TMPRSS11B: variants seen among roughly 807,000 people sequenced by gnomAD.
The protein encoded by TMPRSS11B is transmembrane serine protease 11B.
TMPRSS11B carries 53 observed loss-of-function variants against 44.7 expected under a neutral mutation model. The ratio of observed to expected loss-of-function variants is 1.19; its 90% CI spans 0.95 to 1.49. The LOEUF (loss-of-function observed/expected upper bound fraction) is 1.49. TMPRSS11B is among the 40% of genes most tolerant of loss of function. The probability of loss-of-function intolerance (pLI) is 0.00; values close to 1 mark genes in which losing one functional copy is unlikely to be tolerated. For synonymous variants in TMPRSS11B, 140 were observed against 159.2 expected, an observed-to-expected ratio of 0.88 and a Z score of 0.91; for missense variants, 526 against 494.8, an observed-to-expected ratio of 1.06 and a Z score of -0.60.
At chr4:68,245,099 G>T (rs1402290446) in intron 1 of TMPRSS11B, among the ~76,000 whole-genome samples, 1 of 152,090 alleles carries the variant, frequency 6.6e-6, no homozygotes, top group Non-Finnish European at 1.5e-5. Context: ...CCTGCAGTTT[G>T]CCTGTTGCTA....
intron 2 of TMPRSS11B, among the ~76,000 whole-genome samples, chr4:68,236,520 A>G (rs34557714): frequency 0.011 from 1,653 of 152,268 alleles, 14 homozygotes; most frequent in Non-Finnish European, 0.016. Flanking sequence ...AGAAAAATAA[A>G]AGGAGAGGAG....
At chr4:68,233,200 C>T (rs980366651) in intron 5 of TMPRSS11B, among the ~76,000 whole-genome samples, 1 of 152,000 alleles carries the variant, frequency 6.6e-6, no homozygotes, top group Non-Finnish European at 1.5e-5. Context: ...AAGCTACTCA[C>T]AGAAAAATTT....
At chr4:68,232,305 A>T in intron 6 of TMPRSS11B, 73 bp downstream of exon 6, 2 of 1,426,556 alleles carry the variant, frequency 1.4e-6, no homozygotes, top group Non-Finnish European at 1.9e-6. Flanking sequence ...TATTTCAAGT[A>T]TTTTTAATAG....
At chr4:68,233,036 T>G (rs1240387923) in intron 5 of TMPRSS11B, among the ~76,000 whole-genome samples, 1 of 152,128 alleles carries the variant, frequency 6.6e-6, no homozygotes, top group Non-Finnish European at 1.5e-5. Context: ...GAATGAATCA[T>G]GAAATTTTGA....
intron 1 of TMPRSS11B, 100 bp downstream of exon 1, chr4:68,245,451 C>A (rs1719973535): frequency 1.5e-6 from 2 of 1,314,180 alleles, no homozygotes; most frequent in South Asian, 1.2e-5. Flanking sequence ...GGAATAAAAA[C>A]TAAATTATAA....
intron 5 of TMPRSS11B, among the ~76,000 whole-genome samples, chr4:68,232,727 A>T (rs983206089): frequency 9.9e-5 from 15 of 151,878 alleles, no homozygotes; most frequent in Admixed American, 3.9e-4. Flanking sequence ...TTTTTATTAT[A>T]CTTTAAGTTT....
In TMPRSS11B at chr4:68,245,691, T is replaced by C. The variant is rs1719982791; in HGVS notation, c.-133A>G. 2 of 1,068,362 alleles carry C rather than the reference T, an allele frequency of 1.9e-6. No individual in the cohort carries two copies. The highest frequency in any genetic ancestry group is 2.8e-6 in the Non-Finnish European group (2 of 704,974). 66.2% of individuals were successfully genotyped at this position (1,068,362 alleles called of 1,614,324 possible). A position where few individuals can be genotyped will look rare whatever the true frequency, so the allele number is the denominator to read the frequency against. ...CTTCTGACGCAGCTTTTGACTTATGTGCTACATCCAGTGTTGGAGCTTGGT... is the reference window on the plus strand; with the variant it reads ...CTTCTGACGCAGCTTTTGACTTATGCGCTACATCCAGTGTTGGAGCTTGGT... On this transcript the variant is annotated 5_prime_UTR_variant, in exon 1 of 10. Coordinates refer to ENST00000332644, the MANE Select transcript of TMPRSS11B (RefSeq NM_182502.3).
chr4:68,242,285 T>C (rs1481106490), intron 1 of TMPRSS11B, among the ~76,000 whole-genome samples: 4 of 17,704 alleles, frequency 2.3e-4, no homozygotes, highest in African/African-American at 7.2e-4. Context: ...TTATATATAT[T>C]ATATTATACA....
In TMPRSS11B at chr4:68,236,042, T is replaced by C; in HGVS notation, c.268A>G (p.Ile90Val). The C allele has an allele frequency of 1.9e-6, 3 of 1,592,916 alleles. No individual in the cohort carries two copies. The highest frequency in any genetic ancestry group is 1.2e-5 in the South Asian group (1 of 85,360). The change falls in exon 4 of 10, where the codon ATA becomes GTA. Residue 90 changes from isoleucine (I) to valine (V), a missense_variant. By Grantham distance (29) the Ile-to-Val change is conservative (BLOSUM62 3). Transcript: ENST00000332644. Reference protein sequence around the residue: ...KMLNAFQNSSIYKEYVKSEVI... With the variant: ...KMLNAFQNSSVYKEYVKSEVI... ...TCAGATTTGACATATTCCTTATATA[T>C]ACTGGAATTTTGAAATGCATTTAAC...
Position 68,228,047 on chromosome 4 carries a change from T to G in TMPRSS11B, c.1115A>C (p.Tyr372Ser), listed in dbSNP as rs1437941960. ...CQNDSGGPLA[Y>S]PDSRNIWHLV... is the part of the protein sequence containing the mutation. ...ATGCCAGATATTTCTGGAATCAGGG[T>G]AAGCTAGTGGTCCACCAGAATCATT... Residue 372 changes from tyrosine to serine, a missense_variant, in exon 10 of 10, where the codon TAC (tyrosine) becomes TCC (serine). By Grantham distance (144) the Tyr-to-Ser change is moderately radical. Transcript: ENST00000332644. 6.2e-6 allele frequency: 10 copies of G among 1,610,640 alleles called. No individual in the cohort carries two copies. The highest frequency in any genetic ancestry group is 8.5e-6 in the Non-Finnish European group (10 of 1,179,136).
intron 1 of TMPRSS11B, among the ~76,000 whole-genome samples, chr4:68,244,721 G>T (rs1719952745): frequency 6.6e-6 from 1 of 152,178 alleles, no homozygotes; most frequent in South Asian, 2.1e-4. Context: ...CCATGCCAGT[G>T]GTTAGATTTC....
rs1414274565 is a variant in TMPRSS11B at position 68,229,409 on chromosome 4, G to A, written c.794C>T (p.Pro265Leu). 1.9e-6 allele frequency: 3 copies of A among 1,613,996 alleles called. No individual in the cohort carries two copies. The highest frequency in any genetic ancestry group is 2.5e-6 in the Non-Finnish European group (3 of 1,179,970). The change falls in exon 8 of 10, where the codon CCT (proline) becomes CTT (leucine). Residue 265 changes from proline (P) to leucine (L), a missense_variant. Coordinates refer to ENST00000332644, the MANE Select transcript of TMPRSS11B (RefSeq NM_182502.3). Reference sequence around the variant, plus strand: ...AAGGGCAATATCATCATGAAGCCCAGGACTGCTATAATTTTCATGAAAAAT... The same window carrying A: ...AAGGGCAATATCATCATGAAGCCCAAGACTGCTATAATTTTCATGAAAAAT... ...NIIFHENYSS[P>L]GLHDDIALVQ...
intron 1 of TMPRSS11B, among the ~76,000 whole-genome samples, chr4:68,243,981 T>A (rs1014308551): frequency 1.3e-5 from 2 of 152,188 alleles, no homozygotes; most frequent in African/African-American, 4.8e-5. Flanking sequence ...AAAAATAATT[T>A]AAAGTACTAT....
intron 1 of TMPRSS11B, 144 bp from the exon 2 acceptor site, chr4:68,241,948 A>G: frequency 3.4e-6 from 2 of 593,400 alleles, no homozygotes; most frequent in Non-Finnish European, 6.1e-6. Flanking sequence ...AAATGCCTCA[A>G]AGAGGATAGA....
chr4:68,229,171 C>T, intron 8 of TMPRSS11B, 86 bp downstream of exon 8: 1 of 1,317,902 alleles, frequency 7.6e-7, no homozygotes, highest in Non-Finnish European at 1.0e-6. Context: ...TGATTAATTG[C>T]ATGAGGGGAT....
chr4:68,231,254 G>C lies in TMPRSS11B; in HGVS notation c.635C>G (p.Ala212Gly). 2 of 1,613,312 alleles carry C rather than the reference G, an allele frequency of 1.2e-6. No individual in the cohort carries two copies. Among genetic ancestry groups the C allele is most frequent in the Non-Finnish European group, 8.5e-7 (1 of 1,179,822 alleles). The change falls in exon 7 of 10, where the codon GCC (alanine) becomes GGC (glycine). Residue 212 changes from alanine to glycine, a missense_variant. Ala to Gly is a moderately conservative substitution (Grantham distance 60). Transcript: ENST00000332644. ...MQWKGRHYCG[A>G]SLISSRWLLS... Reference sequence around the variant, plus strand: ...TAGCCACCTGCTGCTGATCAGAGAGGCTCCACAGTAGTGACGGCCTTTCCA... The same window carrying C: ...TAGCCACCTGCTGCTGATCAGAGAGCCTCCACAGTAGTGACGGCCTTTCCA...
intron 2 of TMPRSS11B, among the ~76,000 whole-genome samples, chr4:68,238,051 G>T (rs775034910): frequency 2.0e-5 from 3 of 151,908 alleles, no homozygotes; most frequent in Admixed American, 6.6e-5. Context: ...TAATATGAAA[G>T]AATACCCTGT....
chr4:68,241,585 A>G, intron 2 of TMPRSS11B, 104 bp downstream of exon 2: 3 of 746,922 alleles, frequency 4.0e-6, no homozygotes, highest in Non-Finnish European at 6.5e-6. Flanking sequence ...ATAGTAAATA[A>G]GAAAACTCCC....
intron 2 of TMPRSS11B, among the ~76,000 whole-genome samples, chr4:68,240,734 A>G (rs1311934070): frequency 1.3e-5 from 2 of 152,148 alleles, no homozygotes; most frequent in Non-Finnish European, 2.9e-5. Flanking sequence ...TTGAGTGCCC[A>G]TTACCCTTCT....
Sources: allele counts gnomAD v4.1 joint callset (sites outside exome capture counted in the v4.1 genomes callset), GRCh38; gene constraint gnomAD v4.1.1; transcripts MANE v1.5; gene names NCBI Gene and HGNC (gene_info 2026-07-23, HGNC 2026-07-21).